ADAP1: variants seen among roughly 807,000 people sequenced by gnomAD.
ADAP1 encodes arf-GAP with dual PH domain-containing protein 1.
Under a neutral mutation model 54.9 loss-of-function variants are expected in ADAP1, and 31 were observed. The ratio of observed to expected loss-of-function variants is 0.56; its 90% CI spans 0.42 to 0.76. The LOEUF is 0.76. Among genes scored for constraint, ADAP1 ranks in the 30% least tolerant of loss-of-function variants. The pLI, the probability that ADAP1 is intolerant of heterozygous loss-of-function variation, is 0.00. For missense variants in ADAP1, 535 were observed against 512.4 expected (o/e 1.04, Z -0.42); for synonymous variants, 313 against 202.6 (o/e 1.55, Z -4.63).
rs148269140 is a variant in ADAP1 at position 920,160 on chromosome 7, G to A, written c.306-110C>T. ...TCTCAAGAGGCTCATAGGGACCCCC[G>A]GCAGACTCGAGCCGCCCCTCTGGGC... On this transcript the variant is annotated intron_variant, in intron 3 of 10. Coordinates refer to ENST00000265846, the MANE Select transcript of ADAP1 (RefSeq NM_006869.4). This position sits in a 1 kb window ranked among gnomAD's most constrained non-coding sequence, Gnocchi z 4.5. The A allele has an allele frequency of 6.5e-3, 6,089 of 939,030 alleles. 29 individuals carry two copies. Among genetic ancestry groups the A allele is most frequent in the Non-Finnish European group, 7.7e-3 (4,831 of 626,412 alleles). 58.2% of individuals were successfully genotyped at this position (939,030 alleles called of 1,614,324 possible).
chr7:903,634 C>G (rs2128634809), intron 6 of ADAP1, among the ~76,000 whole-genome samples: 1 of 152,242 alleles, frequency 6.6e-6, no homozygotes. Flanking sequence ...TCCCCCCAAG[C>G]CCTCCAGAGA....
chr7:930,943 G>A (rs1310478511), intron 2 of ADAP1, among the ~76,000 whole-genome samples: 7 of 147,192 alleles, frequency 4.8e-5, no homozygotes, highest in African/African-American at 1.8e-4. Context: ...TAGTGCCACT[G>A]CATTCCAGCC....
At chr7:899,351 T>C in intron 9 of ADAP1, 68 bp downstream of exon 9, 1 of 1,606,216 alleles carries the variant, frequency 6.2e-7, no homozygotes, top group Non-Finnish European at 8.5e-7. Context: ...CCCGCCCTCC[T>C]GGTCACGCAT....
chr7:912,812 T>C (rs1845778636), intron 4 of ADAP1, among the ~76,000 whole-genome samples: 1 of 152,002 alleles, frequency 6.6e-6, no homozygotes, highest in Non-Finnish European at 1.5e-5. Flanking sequence ...GCTATTCTCC[T>C]GTCTCAGCCT....
At chr7:921,012 GC>G in intron 3 of ADAP1, 1 of 691,950 alleles carries the variant, frequency 1.4e-6, no homozygotes, top group Non-Finnish European at 2.4e-6. Flanking sequence ...TGGGTCTCTG[GC>G]CCCTGGCCCC....
intron 4 of ADAP1, among the ~76,000 whole-genome samples, chr7:914,483 G>A (rs548030488): frequency 6.6e-6 from 1 of 152,178 alleles, no homozygotes; most frequent in Non-Finnish European, 1.5e-5. Flanking sequence ...CTGTGGAGGA[G>A]GCTCTGCCCA....
At position 920,174 on chromosome 7, in the gene ADAP1, G is replaced by GC; in HGVS notation, c.306-125dup. 1 of 732,640 alleles carries GC rather than the reference G, an allele frequency of 1.4e-6. No individual in the cohort carries two copies. Among genetic ancestry groups the GC allele is most frequent in the Non-Finnish European group, 2.2e-6 (1 of 450,866 alleles). 45.4% of individuals were successfully genotyped at this position (732,640 alleles called of 1,614,324 possible). A position where few individuals can be genotyped will look rare whatever the true frequency, so the allele number is the denominator to read the frequency against. ...TAGGGACCCCCGGCAGACTCGAGCCGCCCCTCTGGGCACAAGATCCCGGAA... is the reference window on the plus strand; with the variant it reads ...TAGGGACCCCCGGCAGACTCGAGCCGCCCCCTCTGGGCACAAGATCCCGGAA... On this transcript the variant is annotated intron_variant, in intron 3 of 10. Transcript: ENST00000265846. This position sits in a 1 kb window ranked among gnomAD's most constrained non-coding sequence, Gnocchi z 4.5.
intron 3 of ADAP1, among the ~76,000 whole-genome samples, chr7:922,631 T>G (rs1374426150): frequency 6.6e-6 from 1 of 152,088 alleles, no homozygotes; most frequent in Non-Finnish European, 1.5e-5. Context: ...GTTCTGCCAG[T>G]TTCCACCGCA....
At chr7:925,586 C>T (rs1007939337) in intron 3 of ADAP1, among the ~76,000 whole-genome samples, 25 of 152,186 alleles carry the variant, frequency 1.6e-4, no homozygotes, top group African/African-American at 5.8e-4. Flanking sequence ...AAACAGGGCC[C>T]CGGATGCTGG....
intron 2 of ADAP1, chr7:935,108 TC>T (rs1372255318): frequency 3.4e-6 from 2 of 595,238 alleles, no homozygotes; most frequent in Non-Finnish European, 6.5e-6. Context: ...GGCACGGGAA[TC>T]GGCGACCCGC....
chr7:903,315 GGA>G (rs2128634654), intron 6 of ADAP1, among the ~76,000 whole-genome samples: 1 of 151,960 alleles, frequency 6.6e-6, no homozygotes, highest in East Asian at 1.9e-4. Context: ...GGGAGGGGAT[GGA>G]AAGAGCTGGA....
intron 3 of ADAP1, among the ~76,000 whole-genome samples, chr7:923,982 C>T (rs537334703): frequency 5.3e-5 from 8 of 151,878 alleles, no homozygotes; most frequent in African/African-American, 1.2e-4. Context: ...GCCACAGAGC[C>T]GGACCACAAA....
Position 926,493 on chromosome 7 carries a change from G to A in ADAP1, c.305+60C>T. The A allele has an allele frequency of 7.0e-7, 1 of 1,425,150 alleles. No individual in the cohort carries two copies. The allele number at this position is 1,425,150 out of a possible 1,614,324, so 88.3% of individuals were successfully genotyped here. ...TCCCCACCCTGCCGGGTCCTCCCGGGGCCATCTCGGAGCCACCCAGCACTT... is the reference window on the plus strand; with the variant it reads ...TCCCCACCCTGCCGGGTCCTCCCGGAGCCATCTCGGAGCCACCCAGCACTT... On this transcript the variant is annotated intron_variant, in intron 3 of 10. Coordinates refer to ENST00000265846, the MANE Select transcript of ADAP1 (RefSeq NM_006869.4). This position sits in a 1 kb window ranked among gnomAD's most constrained non-coding sequence, Gnocchi z 4.6.
intron 4 of ADAP1, among the ~76,000 whole-genome samples, chr7:911,327 A>G (rs1469405305): frequency 6.6e-6 from 1 of 151,936 alleles, no homozygotes; most frequent in Non-Finnish European, 1.5e-5. Context: ...ACGGGTTCAC[A>G]GTTTCCACAG....
intron 3 of ADAP1, among the ~76,000 whole-genome samples, chr7:922,819 CGCCCACGCACCT>C (rs1846237428): frequency 6.6e-6 from 1 of 151,026 alleles, no homozygotes; most frequent in Non-Finnish European, 1.5e-5. Flanking sequence ...CCCACACCCC[CGCCCACGCACCT>C]GCCTCTCAGC....
At chr7:918,441 C>T (rs1846022202) in intron 4 of ADAP1, among the ~76,000 whole-genome samples, 3 of 152,130 alleles carry the variant, frequency 2.0e-5, no homozygotes, top group Non-Finnish European at 4.4e-5. Context: ...GTTTGACCAC[C>T]AGTGATCCTC....
At chr7:901,170 A>G in intron 6 of ADAP1, 1 of 373,014 alleles carries the variant, frequency 2.7e-6, no homozygotes, top group Admixed American at 3.4e-5. Flanking sequence ...GTGGGCCAGC[A>G]CCCTGGAACA....
intron 2 of ADAP1, among the ~76,000 whole-genome samples, chr7:929,245 T>C (rs1846487849): frequency 6.8e-6 from 1 of 147,614 alleles, no homozygotes; most frequent in Non-Finnish European, 1.5e-5. Flanking sequence ...TGAGCAGAGA[T>C]CGTGCCACAG....
chr7:898,787 T>C lies in ADAP1; in HGVS notation c.*134A>G. ...ATCCTGGAAGCTGAAGCTCGGGCCC[T>C]ACCTGGCCGCGCCGGGCTGCCCTGA... On this transcript the variant is annotated 3_prime_UTR_variant, in exon 11 of 11. Coordinates refer to ENST00000265846, the MANE Select transcript of ADAP1 (RefSeq NM_006869.4). 7.9e-7 allele frequency: 1 copy of C among 1,258,360 alleles called. No homozygotes were observed. 77.9% of individuals were successfully genotyped at this position (1,258,360 alleles called of 1,614,324 possible). A position where few individuals can be genotyped will look rare whatever the true frequency, so the allele number is the denominator to read the frequency against.
Sources: allele counts gnomAD v4.1 joint callset (sites outside exome capture counted in the v4.1 genomes callset), GRCh38; gene constraint gnomAD v4.1.1; non-coding constraint Gnocchi (gnomAD v3.1); transcripts MANE v1.5; gene names NCBI Gene and HGNC (gene_info 2026-07-23, HGNC 2026-07-21).